Variants in DHRS7C observed in about 807,000 individuals in gnomAD.
DHRS7C encodes the protein dehydrogenase/reductase 7C.
In DHRS7C, 28 loss-of-function variants were observed where a neutral mutation model predicts 29.6. The observed-to-expected ratio is 0.95, with a 90% CI of 0.70 to 1.30. The LOEUF is 1.30. DHRS7C is among the 50% of genes most tolerant of loss of function. DHRS7C has a pLI of 0.00. For missense variants in DHRS7C, 403 were observed against 393.3 expected, an observed-to-expected ratio of 1.02 and a Z score of -0.21; for synonymous variants, 158 against 160.2, an observed-to-expected ratio of 0.99 and a Z score of 0.10.
At chr17:9,791,015 C>A (rs1016774704) in intron 1 of DHRS7C, 116 bp downstream of exon 1, 15 of 1,263,542 alleles carry the variant, frequency 1.2e-5, no homozygotes, top group Non-Finnish European at 1.5e-5. Flanking sequence ...AACACAGGAT[C>A]GATCCCCTCC....
intron 5 of DHRS7C, among the ~76,000 whole-genome samples, chr17:9,772,377 A>G (rs895820758): frequency 6.6e-6 from 1 of 152,206 alleles, no homozygotes; most frequent in African/African-American, 2.4e-5. Context: ...GCCGGCTTCC[A>G]GTGCAGGTGG....
intron 1 of DHRS7C, among the ~76,000 whole-genome samples, chr17:9,787,044 C>T (rs1156361182): frequency 6.6e-6 from 1 of 152,066 alleles, no homozygotes; most frequent in Non-Finnish European, 1.5e-5. Context: ...CTCCCAGGTT[C>T]AAGTGATTCT....
rs114469918 is a variant in DHRS7C at position 9,771,584 on chromosome 17, C to T, written c.840G>A (p.Lys280=). The T allele has an allele frequency of 0.054, 86,299 of 1,595,768 alleles. 2,691 individuals are homozygous for T. Among genetic ancestry groups the T allele is most frequent in the Non-Finnish European group, 0.061 (71,495 of 1,170,208 alleles). ...QEVFMANPIP[K]AAVYVRTFFP... ...AGAAGGTGCGGACGTACACGGCGGCCTTGGGGATGGGGTTGGCCATAAACA... is the reference window on the plus strand; with the variant it reads ...AGAAGGTGCGGACGTACACGGCGGCTTTGGGGATGGGGTTGGCCATAAACA... The change falls in exon 6 of 6, where the codon AAG becomes AAA. Residue 280 remains lysine, a synonymous_variant. Transcript: ENST00000571134.
intron 4 of DHRS7C, 136 bp from the exon 5 acceptor site, chr17:9,773,058 C>T (rs1184078876): frequency 9.0e-7 from 1 of 1,106,668 alleles, no homozygotes; most frequent in African/African-American, 1.6e-5. Context: ...GAATCTGCCC[C>T]TCACTTTACA....
At chr17:9,779,275 G>A (rs765227028) in intron 3 of DHRS7C, among the ~76,000 whole-genome samples, 2 of 152,132 alleles carry the variant, frequency 1.3e-5, no homozygotes, top group African/African-American at 2.4e-5. Context: ...ACAGGTTCAC[G>A]TAGGAATCAC....
chr17:9,783,547 G>T (rs1384079480), intron 1 of DHRS7C, among the ~76,000 whole-genome samples: 1 of 152,164 alleles, frequency 6.6e-6, no homozygotes, highest in Non-Finnish European at 1.5e-5. Context: ...TAAAACTACA[G>T]AAATTAAAGA....
intron 1 of DHRS7C, among the ~76,000 whole-genome samples, chr17:9,790,133 C>T (rs892423999): frequency 3.3e-5 from 5 of 152,100 alleles, no homozygotes; most frequent in African/African-American, 9.7e-5. Context: ...AGGTTACAAA[C>T]GTTCTCACGA....
chr17:9,773,741 T>TTTTTTTTTTTTTTC (rs57969612), intron 4 of DHRS7C, among the ~76,000 whole-genome samples: 3 of 129,290 alleles, frequency 2.3e-5, no homozygotes, highest in Non-Finnish European at 3.1e-5. Context: ...TTTTTTTTTT[T>TTTTTTTTTTTTTTC]TGAGACGGCG....
chr17:9,771,674 G>T lies in DHRS7C; in HGVS notation c.750C>A (p.Tyr250Ter), dbSNP rs763046068. ...IWKFFFRKLT[Y>*]GVHPVEVAEE... The stretch of plus-strand genomic sequence containing the variant: ...CCGCCACCTCTACTGGGTGCACGCC[G>T]TAGGTCAGCTTCCTGAAAAAGACTG... The change falls in exon 6 of 6, where the codon TAC (tyrosine) becomes TAA (stop). Residue 250 changes from tyrosine to a stop codon, truncating the protein, a stop_gained. Transcript: ENST00000571134. LOFTEE classifies it high-confidence loss of function. 1.6e-5 allele frequency: 25 copies of T among 1,521,440 alleles called. No individual in the cohort carries two copies. The highest frequency in any genetic ancestry group is 2.1e-5 in the Non-Finnish European group (24 of 1,129,772). The allele number at this position is 1,521,440 out of a possible 1,614,324, so 94.2% of individuals were successfully genotyped here. A position where few individuals can be genotyped will look rare whatever the true frequency, so the allele number is the denominator to read the frequency against.
intron 4 of DHRS7C, among the ~76,000 whole-genome samples, chr17:9,776,204 A>AAAAAAG (rs1231176869): frequency 2.6e-5 from 4 of 152,150 alleles, no homozygotes; most frequent in African/African-American, 9.7e-5. Flanking sequence ...TTCTGTCTCA[A>AAAAAAG]AAAAAGAAAA....
chr17:9,779,670 A>G (rs2152016572), intron 3 of DHRS7C, among the ~76,000 whole-genome samples, 155 bp downstream of exon 3: 1 of 152,284 alleles, frequency 6.6e-6, no homozygotes, highest in South Asian at 2.1e-4. Context: ...AACACTTACA[A>G]TGGGAATGGT....
chr17:9,789,206 C>T (rs182005894), intron 1 of DHRS7C, among the ~76,000 whole-genome samples: 17 of 152,258 alleles, frequency 1.1e-4, no homozygotes, highest in Admixed American at 2.0e-4. Context: ...TGTAGGACAA[C>T]GGCAGAACGT....
chr17:9,772,224 T>C (rs1272277965), intron 5 of DHRS7C, among the ~76,000 whole-genome samples: 2 of 152,140 alleles, frequency 1.3e-5, no homozygotes, highest in African/African-American at 4.8e-5. Context: ...CTTCAGTCCT[T>C]CCAACAACCC....
At chr17:9,789,299 T>C (rs2066441691) in intron 1 of DHRS7C, among the ~76,000 whole-genome samples, 2 of 152,150 alleles carry the variant, frequency 1.3e-5, no homozygotes, top group African/African-American at 4.8e-5. Context: ...ATCGAAATCA[T>C]ACAGAGCGTA....
intron 3 of DHRS7C, among the ~76,000 whole-genome samples, chr17:9,778,420 A>G (rs1437461745): frequency 2.6e-5 from 4 of 151,546 alleles, no homozygotes; most frequent in Non-Finnish European, 5.9e-5. Flanking sequence ...AAAGAAAGAA[A>G]GGAAAAAAAC....
At position 9,786,934 on chromosome 17, in the gene DHRS7C, C is replaced by T. The variant is rs117271791; in HGVS notation, c.154+4197G>A. 6.3e-3 allele frequency among the ~76,000 whole-genome samples: 964 copies of T among 152,220 alleles called. 15 individuals are homozygous for T. Among genetic ancestry groups the T allele is most frequent in the East Asian group, 0.041 (209 of 5,148 alleles). ...TTTTCACTCCTCGCTCCCTCCCTCTCTTGATGATGAGCATCTATTTTTTTT... is the reference window on the plus strand; with the variant it reads ...TTTTCACTCCTCGCTCCCTCCCTCTTTTGATGATGAGCATCTATTTTTTTT... On this transcript the variant is annotated intron_variant, in intron 1 of 5. Coordinates refer to ENST00000571134, the MANE Select transcript of DHRS7C (RefSeq NM_001105571.3).
intron 1 of DHRS7C, among the ~76,000 whole-genome samples, chr17:9,784,678 G>T (rs1296314623): frequency 1.3e-5 from 2 of 152,192 alleles, no homozygotes; most frequent in African/African-American, 2.4e-5. Flanking sequence ...TTAAGGAGAT[G>T]AGTAAGCAAC....
At chr17:9,787,542 C>A (rs894229073) in intron 1 of DHRS7C, among the ~76,000 whole-genome samples, 6 of 152,154 alleles carry the variant, frequency 3.9e-5, no homozygotes, top group Non-Finnish European at 8.8e-5. Context: ...TATTTCTATT[C>A]TTTTATCAGC....
Position 9,791,248 on chromosome 17 carries a change from G to T in DHRS7C, c.37C>A (p.Leu13Met). ...VMAMLMLPLL[L>M]LGISGLLFIY... is the part of the protein sequence containing the mutation. ...AAGAGGAGGCCGCTGATTCCCAGCA[G>T]CAGCAGGGGGAGCATCAGCATGGCC... The change falls in exon 1 of 6, where the codon CTG becomes ATG. Residue 13 changes from leucine to methionine, a missense_variant. Transcript: ENST00000571134. The T allele has an allele frequency of 6.2e-7, 1 of 1,613,740 alleles. No individual in the cohort carries two copies. The highest frequency in any genetic ancestry group is 8.5e-7 in the Non-Finnish European group (1 of 1,179,804).
Sources: allele counts gnomAD v4.1 joint callset (sites outside exome capture counted in the v4.1 genomes callset), GRCh38; gene constraint gnomAD v4.1.1; transcripts MANE v1.5; gene names NCBI Gene and HGNC (gene_info 2026-07-23, HGNC 2026-07-21).